The following TYW1B variants were observed in gnomAD, a reference collection of about 807,000 sequenced individuals.
TYW1B encodes tRNA-yW synthesizing protein 1 homolog B.
TYW1B carries 73 observed loss-of-function variants against 86.9 expected under a neutral mutation model. That is an observed-to-expected ratio of 0.84 (90% CI 0.70 to 1.02). TYW1B has a LOEUF of 1.02. Ranked by LOEUF, TYW1B falls within the 50% of genes least tolerant of loss-of-function variation. The probability of loss-of-function intolerance (pLI) is 0.00; values close to 1 mark genes in which losing one functional copy is unlikely to be tolerated. For synonymous variants in TYW1B, 248 were observed against 292.8 expected (o/e 0.85, Z 1.56); for missense variants, 637 against 827.4 (o/e 0.77, Z 2.82).
chr7:72,577,083 T>C (rs1381395271), intron 13 of TYW1B, among the ~76,000 whole-genome samples: 5 of 151,644 alleles, frequency 3.3e-5, no homozygotes, highest in Admixed American at 2.0e-4. Flanking sequence ...GCCAAGACCA[T>C]GCCACTGCAC....
chr7:72,602,451 T>C (rs1340720428), intron 13 of TYW1B, among the ~76,000 whole-genome samples: 1 of 152,108 alleles, frequency 6.6e-6, no homozygotes, highest in African/African-American at 2.4e-5. Context: ...GAAATGTGGA[T>C]ACACACATGT....
At chr7:72,650,319 G>T (rs1554442613) in intron 11 of TYW1B, among the ~76,000 whole-genome samples, 1 of 152,052 alleles carries the variant, frequency 6.6e-6, no homozygotes, top group African/African-American at 2.4e-5. Flanking sequence ...AGTCTGTGAA[G>T]TAAGCCCATA....
intron 10 of TYW1B, among the ~76,000 whole-genome samples, chr7:72,706,161 G>A (rs1284720824): frequency 6.6e-6 from 1 of 152,084 alleles, no homozygotes; most frequent in Non-Finnish European, 1.5e-5. Context: ...AGGCACAGTG[G>A]CTCACACCTG....
chr7:72,592,881 A>C (rs1811428761), intron 13 of TYW1B, among the ~76,000 whole-genome samples: 1 of 152,264 alleles, frequency 6.6e-6, no homozygotes, highest in Non-Finnish European at 1.5e-5. Flanking sequence ...CATAACAGAT[A>C]ATCAACATAT....
intron 4 of TYW1B, among the ~76,000 whole-genome samples, chr7:72,808,519 T>C (rs1350660361): frequency 7.3e-6 from 1 of 137,858 alleles, no homozygotes; most frequent in Non-Finnish European, 1.5e-5. Context: ...ACAGCTTTTA[T>C]TTTATTTTAC....
intron 6 of TYW1B, among the ~76,000 whole-genome samples, chr7:72,792,018 A>G (rs1788227589): frequency 6.6e-6 from 1 of 152,084 alleles, no homozygotes; most frequent in African/African-American, 2.4e-5. Flanking sequence ...CAGTTTGTCT[A>G]ATTTCAGGCA....
chr7:72,663,401 GC>G (rs1813381875), intron 11 of TYW1B, among the ~76,000 whole-genome samples: 1 of 152,112 alleles, frequency 6.6e-6, no homozygotes, highest in South Asian at 2.1e-4. Context: ...CTCTTGGAGT[GC>G]CCCCTCCCCC....
chr7:72,599,907 T>C (rs1297281263), intron 13 of TYW1B, among the ~76,000 whole-genome samples: 2 of 152,150 alleles, frequency 1.3e-5, no homozygotes, highest in African/African-American at 4.8e-5. Context: ...GGATATTCCA[T>C]GTTCATGGAT....
chr7:72,589,442 T>C (rs1451921769), intron 13 of TYW1B, among the ~76,000 whole-genome samples: 1 of 152,066 alleles, frequency 6.6e-6, no homozygotes, highest in East Asian at 1.9e-4. Context: ...TTCAAGAAAG[T>C]GAAATAAAGA....
At chr7:72,769,062 G>T in intron 7 of TYW1B, 1 of 375,080 alleles carries the variant, frequency 2.7e-6, no homozygotes, top group Middle Eastern at 3.8e-4. Context: ...ATGGGATGGT[G>T]CAAGGAACAC....
At chr7:72,650,503 C>T (rs1327816483) in intron 11 of TYW1B, among the ~76,000 whole-genome samples, 1 of 152,082 alleles carries the variant, frequency 6.6e-6, no homozygotes, top group Non-Finnish European at 1.5e-5. Flanking sequence ...GCCTTCCATG[C>T]AAAATCCTTC....
rs1294086014 is a variant in TYW1B, at chr7:72,664,821, G to C, written c.1506+29866C>G. ...GCAATATATGATCTATGGGGGATTG[G>C]TTCCAGGAACCTCATGGACGGCAAA... is the stretch of plus-strand genomic sequence containing the variant. On this transcript the variant is annotated intron_variant, in intron 11 of 13. Coordinates refer to ENST00000620995, the MANE Select transcript of TYW1B (RefSeq NM_001145440.3). Among the ~76,000 whole-genome samples, 4 of 152,036 alleles carry C rather than the reference G, an allele frequency of 2.6e-5. No homozygotes were observed. In the East Asian group the frequency reaches 7.7e-4, roughly 29 times the overall value.
chr7:72,626,123 T>G (rs2129568638), intron 12 of TYW1B, among the ~76,000 whole-genome samples: 1 of 151,462 alleles, frequency 6.6e-6, no homozygotes, highest in East Asian at 1.9e-4. Flanking sequence ...CTGCCAAGAG[T>G]AGCCTTTTGA....
At chr7:72,640,044 T>C (rs1219295834) in intron 11 of TYW1B, among the ~76,000 whole-genome samples, 1 of 152,096 alleles carries the variant, frequency 6.6e-6, no homozygotes, top group African/African-American at 2.4e-5. Context: ...AAGTCAAGCA[T>C]GCCTGCGTCA....
chr7:72,630,636 G>A (rs1812461055), intron 11 of TYW1B, among the ~76,000 whole-genome samples: 1 of 152,130 alleles, frequency 6.6e-6, no homozygotes, highest in South Asian at 2.1e-4. Flanking sequence ...AGGAAACTAA[G>A]AGGTCGTTAA....
intron 9 of TYW1B, among the ~76,000 whole-genome samples, chr7:72,721,217 G>A (rs1235269776): frequency 1.3e-5 from 2 of 152,152 alleles, no homozygotes; most frequent in Non-Finnish European, 2.9e-5. Flanking sequence ...ACGTGTACAT[G>A]TGTCTTTATA....
At chr7:72,604,942 A>G (rs553411208) in intron 13 of TYW1B, among the ~76,000 whole-genome samples, 2 of 152,300 alleles carry the variant, frequency 1.3e-5, no homozygotes, top group South Asian at 4.1e-4. Flanking sequence ...CGTTGGTGCA[A>G]AAGTAATTGT....
intron 10 of TYW1B, among the ~76,000 whole-genome samples, chr7:72,712,539 G>A (rs1786690480): frequency 6.6e-6 from 1 of 152,184 alleles, no homozygotes; most frequent in Non-Finnish European, 1.5e-5. Flanking sequence ...TGTTGGTCAG[G>A]CTGGTCTGGA....
At chr7:72,591,513 G>T (rs1228352609) in intron 13 of TYW1B, among the ~76,000 whole-genome samples, 2 of 152,108 alleles carry the variant, frequency 1.3e-5, no homozygotes, top group African/African-American at 4.8e-5. Flanking sequence ...CAGACATTTT[G>T]GAGCTCAGAA....
Sources: gnomAD v4.1 joint callset for allele counts (sites outside exome capture counted in the v4.1 genomes callset) on GRCh38, gnomAD v4.1.1 for gene constraint, MANE v1.5 for transcripts, NCBI Gene and HGNC (gene_info 2026-07-23, HGNC 2026-07-21) for gene names.